Variants in PTPRT observed in about 807,000 individuals in gnomAD.
PTPRT encodes protein tyrosine phosphatase receptor type T.
In PTPRT, 56 loss-of-function variants were observed where a neutral mutation model predicts 176.8. The ratio of observed to expected loss-of-function variants is 0.32; its 90% CI spans 0.26 to 0.40. PTPRT has a LOEUF of 0.40. Ranked by LOEUF, PTPRT falls within the 10% of genes least tolerant of loss-of-function variation. PTPRT has a pLI of 1.00. For missense variants in PTPRT, 1,540 were observed against 1,908.2 expected, an observed-to-expected ratio of 0.81 and a Z score of 3.60; for synonymous variants, 783 against 739.0, an observed-to-expected ratio of 1.06 and a Z score of -0.96.
rs141179939 is a variant in PTPRT, at chr20:42,456,345, T to C, written c.1451-8016A>G. Among the ~76,000 whole-genome samples, 748 of 152,134 alleles carry C rather than the reference T, an allele frequency of 4.9e-3. 9 individuals are homozygous for C. Among genetic ancestry groups the C allele is most frequent in the African/African-American group, 0.017 (716 of 41,568 alleles). On this transcript the variant is annotated intron_variant, in intron 8 of 30. Transcript: ENST00000373187. ...TAATTGTAGCATCTGTAGTTAATAA[T>C]AGTTTTGCTCTTTTCCAATCTTTTA...
intron 11 of PTPRT, among the ~76,000 whole-genome samples, chr20:42,338,493 T>C (rs2058070193): frequency 6.6e-6 from 1 of 152,176 alleles, no homozygotes; most frequent in African/African-American, 2.4e-5. Context: ...CATTGGAAAC[T>C]GCTTTGGACA....
intron 6 of PTPRT, among the ~76,000 whole-genome samples, chr20:42,696,744 C>T (rs2075885788): frequency 6.6e-6 from 1 of 152,032 alleles, no homozygotes. Flanking sequence ...TGTGAGCCAC[C>T]CCGCCCGGCC....
At chr20:42,533,359 G>A (rs978383418) in intron 7 of PTPRT, among the ~76,000 whole-genome samples, 13 of 152,154 alleles carry the variant, frequency 8.5e-5, no homozygotes, top group Admixed American at 4.6e-4. Context: ...TTCCCAGCCC[G>A]GCAGTGAGCC....
rs191383239 is a variant in PTPRT, at chr20:42,708,065, G to A, written c.860-29906C>T. 3.7e-3 allele frequency among the ~76,000 whole-genome samples: 569 copies of A among 152,146 alleles called. 4 individuals carry two copies. Among genetic ancestry groups the A allele is most frequent in the African/African-American group, 0.012 (505 of 41,506 alleles). ...TTATTAAATTATAAAAATGCTAAAG[G>A]TCATAAAGAAATATGCAAAATATGT... On this transcript the variant is annotated intron_variant, in intron 6 of 30. Coordinates refer to ENST00000373187, the MANE Select transcript of PTPRT (RefSeq NM_007050.6).
At chr20:43,141,409 C>T (rs772766220) in intron 1 of PTPRT, among the ~76,000 whole-genome samples, 1 of 152,156 alleles carries the variant, frequency 6.6e-6, no homozygotes, top group Non-Finnish European at 1.5e-5. Context: ...GTGACTGGGG[C>T]AACCGGGCCA....
chr20:42,678,007 G>T lies in PTPRT; in HGVS notation c.1012C>A (p.His338Asn), dbSNP rs2146066656. Residue 338 changes from histidine to asparagine, a missense_variant, in exon 7 of 31, where the codon CAC (histidine) becomes AAC (asparagine). Transcript: ENST00000373187. The part of the protein sequence containing the change: ...RTTTGTWAET[H>N]IVDSPNYKLW... ...TTATAGTTGGGAGAGTCGACTATGTGGGTCTCTGCCCACGTGCCTGTGGTG... is the reference window on the plus strand; with the variant it reads ...TTATAGTTGGGAGAGTCGACTATGTTGGTCTCTGCCCACGTGCCTGTGGTG... 6.2e-7 allele frequency: 1 copy of T among 1,614,164 alleles called. No individual in the cohort carries two copies. Among genetic ancestry groups the T allele is most frequent in the Non-Finnish European group, 8.5e-7 (1 of 1,180,036 alleles).
At chr20:42,684,637 G>A (rs933002936) in intron 6 of PTPRT, among the ~76,000 whole-genome samples, 2 of 152,128 alleles carry the variant, frequency 1.3e-5, no homozygotes, top group African/African-American at 4.8e-5. Flanking sequence ...ATACCCAAAG[G>A]CCTGAGTTTG....
chr20:43,039,358 A>T (rs1366097336), intron 1 of PTPRT, among the ~76,000 whole-genome samples: 3 of 102,188 alleles, frequency 2.9e-5, no homozygotes, highest in Non-Finnish European at 5.6e-5. Flanking sequence ...TAAAATGATA[A>T]AAAAAAAACC....
intron 2 of PTPRT, among the ~76,000 whole-genome samples, chr20:42,835,610 C>T (rs2078168117): frequency 6.6e-6 from 1 of 152,078 alleles, no homozygotes; most frequent in Non-Finnish European, 1.5e-5. Context: ...GCATACATTA[C>T]TTTTAAAACT....
intron 6 of PTPRT, among the ~76,000 whole-genome samples, chr20:42,734,810 G>A (rs573160285): frequency 8.3e-4 from 127 of 152,228 alleles, no homozygotes; most frequent in African/African-American, 2.8e-3. Flanking sequence ...TTCCAGTGAC[G>A]GATGGCAGCA....
intron 11 of PTPRT, among the ~76,000 whole-genome samples, chr20:42,323,287 G>A (rs1336906081): frequency 6.6e-6 from 1 of 152,140 alleles, no homozygotes; most frequent in East Asian, 1.9e-4. Flanking sequence ...TATAAATCAT[G>A]CTGCTATAAA....
In PTPRT at chr20:43,100,414, T is replaced by C. The variant is rs537118882; in HGVS notation, c.88+89232A>G. Among the ~76,000 whole-genome samples, 8 of 152,118 alleles carry C rather than the reference T, an allele frequency of 5.3e-5. No individual in the cohort carries two copies. The East Asian group carries it at 5.8e-4, about 11-fold the overall frequency. On this transcript the variant is annotated intron_variant, in intron 1 of 30. Transcript: ENST00000373187. ...AAAGAAAGAAAGGATATACACACAA[T>C]GTAAAATCACTGCACCGAGTCAGTA...
At chr20:42,450,872 T>C (rs2070815396) in intron 8 of PTPRT, among the ~76,000 whole-genome samples, 1 of 152,204 alleles carries the variant, frequency 6.6e-6, no homozygotes. Context: ...TCAAAACTAA[T>C]TCATTACATT....
intron 7 of PTPRT, among the ~76,000 whole-genome samples, chr20:42,560,653 C>G (rs895998437): frequency 4.6e-5 from 7 of 152,158 alleles, no homozygotes; most frequent in Non-Finnish European, 1.0e-4. Flanking sequence ...AGCTGGGACC[C>G]CAAGGTAAGT....
At chr20:43,048,850 A>G (rs1031307830) in intron 1 of PTPRT, among the ~76,000 whole-genome samples, 3 of 152,096 alleles carry the variant, frequency 2.0e-5, no homozygotes, top group African/African-American at 7.2e-5. Flanking sequence ...GAGGTGGCTG[A>G]CCAACAGCAG....
intron 20 of PTPRT, among the ~76,000 whole-genome samples, chr20:42,119,580 C>G (rs1987478869): frequency 6.6e-6 from 1 of 152,212 alleles, no homozygotes; most frequent in South Asian, 2.1e-4. Flanking sequence ...AAGGCACCAT[C>G]AGCTCCGGCC....
At chr20:42,292,990 A>T (rs1453303149) in intron 12 of PTPRT, among the ~76,000 whole-genome samples, 1 of 152,208 alleles carries the variant, frequency 6.6e-6, no homozygotes, top group East Asian at 1.9e-4. Flanking sequence ...GGCAAGGTGC[A>T]GCCTCAGGTT....
At chr20:42,279,481 C>T (rs1277266409) in intron 13 of PTPRT, among the ~76,000 whole-genome samples, 2 of 152,148 alleles carry the variant, frequency 1.3e-5, no homozygotes, top group Non-Finnish European at 2.9e-5. Context: ...ACAAGGTCTG[C>T]AGACACCTTG....
At chr20:42,096,892 TAACAG>T (rs1985315664) in intron 27 of PTPRT, among the ~76,000 whole-genome samples, 1 of 151,614 alleles carries the variant, frequency 6.6e-6, no homozygotes, top group Non-Finnish European at 1.5e-5. Flanking sequence ...CCCATCTTTC[TAACAG>T]GAACCCTGGC....
Sources: allele counts gnomAD v4.1 joint callset (sites outside exome capture counted in the v4.1 genomes callset), GRCh38; gene constraint gnomAD v4.1.1; transcripts MANE v1.5; gene names NCBI Gene and HGNC (gene_info 2026-07-23, HGNC 2026-07-21).